Variants in BACH2 observed in about 807,000 individuals in gnomAD.
The protein encoded by BACH2 is transcription regulator protein BACH2.
A neutral mutation model predicts 61.8 loss-of-function variants in BACH2; 5 were observed. The ratio of observed to expected loss-of-function variants is 0.08; its 90% CI spans 0.04 to 0.17. BACH2 has a LOEUF of 0.17. BACH2 is among the 10% of genes least tolerant of loss of function. BACH2 has a pLI of 1.00. For missense variants in BACH2, 824 were observed against 1,091.1 expected, an observed-to-expected ratio of 0.76 and a Z score of 3.45; for synonymous variants, 446 against 440.1, an observed-to-expected ratio of 1.01 and a Z score of -0.17.
In BACH2 at chr6:89,950,413, C is replaced by G. The variant is rs2128356694; in HGVS notation, c.1693G>C (p.Gly565Arg). The G allele has an allele frequency of 2.5e-6, 4 of 1,614,166 alleles. No homozygotes were observed. The highest frequency in any genetic ancestry group is 3.4e-6 in the Non-Finnish European group (4 of 1,180,032). Reference sequence around the variant, plus strand: ...TTGTACATTCCATCTCCCATCAGGCCTGGTTCCTGATGTTCTGTGGCAAGG... The same window carrying G: ...TTGTACATTCCATCTCCCATCAGGCGTGGTTCCTGATGTTCTGTGGCAAGG... ...RFLATEHQEP[G>R]LMGDGMYNQV... Residue 565 changes from glycine to arginine, a missense_variant, in exon 7 of 9, where the codon GGC (glycine) becomes CGC (arginine). Transcript: ENST00000257749. This position sits in a 1 kb window ranked among gnomAD's most constrained non-coding sequence, Gnocchi z 5.3.
intron 5 of BACH2, among the ~76,000 whole-genome samples, chr6:90,056,920 T>C (rs1780385385): frequency 6.6e-6 from 1 of 152,056 alleles, no homozygotes; most frequent in Admixed American, 6.6e-5. Context: ...TTCTTTGAAA[T>C]CAACGAGGAC....
chr6:90,092,747 T>C (rs750865495), intron 4 of BACH2, among the ~76,000 whole-genome samples: 1 of 152,170 alleles, frequency 6.6e-6, no homozygotes, highest in Non-Finnish European at 1.5e-5. Flanking sequence ...AGATCTGAGT[T>C]TTATTTCTAA....
chr6:90,034,036 C>T lies in BACH2; in HGVS notation c.-12-25180G>A, dbSNP rs115445011. ...ACAACTGGAAAAGAAGATTAGACCA[C>T]ACTGTGTCTATAAAGTTGTGCTACA... is the stretch of plus-strand genomic sequence containing the variant. On this transcript the variant is annotated intron_variant, in intron 5 of 8. Coordinates refer to ENST00000257749, the MANE Select transcript of BACH2 (RefSeq NM_021813.4). 5.1e-3 allele frequency among the ~76,000 whole-genome samples: 779 copies of T among 152,256 alleles called. 6 individuals carry two copies. The highest frequency in any genetic ancestry group is 0.018 in the African/African-American group (737 of 41,570).
intron 1 of BACH2, among the ~76,000 whole-genome samples, chr6:90,275,982 GAA>G (rs1263327473): frequency 6.7e-6 from 1 of 149,720 alleles, no homozygotes; most frequent in Non-Finnish European, 1.5e-5. Context: ...AAAAAAAAAA[GAA>G]AGAAATCATC....
chr6:90,129,848 G>C (rs898543318), intron 4 of BACH2, among the ~76,000 whole-genome samples: 1 of 150,864 alleles, frequency 6.6e-6, no homozygotes, highest in Non-Finnish European at 1.5e-5. Context: ...TTGCTTATCA[G>C]TTCAAGAAGT....
intron 4 of BACH2, among the ~76,000 whole-genome samples, chr6:90,111,363 T>G (rs1328053600): frequency 6.6e-6 from 1 of 152,182 alleles, no homozygotes; most frequent in Non-Finnish European, 1.5e-5. Context: ...AGATAATCTT[T>G]TAAAAATGTA....
chr6:90,206,947 C>T (rs1769164474), intron 3 of BACH2, among the ~76,000 whole-genome samples: 2 of 152,118 alleles, frequency 1.3e-5, no homozygotes, highest in Admixed American at 1.3e-4. Context: ...GTCAGTCTTC[C>T]ATGGGCCAAA....
At chr6:90,107,254 C>T (rs1309865072) in intron 4 of BACH2, among the ~76,000 whole-genome samples, 2 of 152,004 alleles carry the variant, frequency 1.3e-5, no homozygotes, top group African/African-American at 2.4e-5. Flanking sequence ...CGCCTGTAGT[C>T]CCAGCTACTT....
At chr6:90,173,304 C>T (rs1252791939) in intron 4 of BACH2, among the ~76,000 whole-genome samples, 1 of 151,990 alleles carries the variant, frequency 6.6e-6, no homozygotes, top group Non-Finnish European at 1.5e-5. Flanking sequence ...AAGACAATGA[C>T]TGATTGAATT....
At chr6:90,246,092 T>C (rs985481702) in intron 3 of BACH2, among the ~76,000 whole-genome samples, 5 of 152,180 alleles carry the variant, frequency 3.3e-5, no homozygotes, top group African/African-American at 1.2e-4. Context: ...CAATGAACAG[T>C]GGGTCCTTCA....
At chr6:90,201,953 C>T (rs1439537004) in intron 4 of BACH2, among the ~76,000 whole-genome samples, 5 of 152,212 alleles carry the variant, frequency 3.3e-5, no homozygotes, top group Non-Finnish European at 7.3e-5. Context: ...CAATTCCTTA[C>T]ACAACCTCCA....
chr6:89,959,321 C>T (rs1488250288), intron 6 of BACH2, among the ~76,000 whole-genome samples: 1 of 152,090 alleles, frequency 6.6e-6, no homozygotes, highest in Non-Finnish European at 1.5e-5. Flanking sequence ...CATGTAGGCT[C>T]AGTGAGCAAA....
At chr6:90,105,696 C>T (rs1582367329) in intron 4 of BACH2, among the ~76,000 whole-genome samples, 1 of 152,246 alleles carries the variant, frequency 6.6e-6, no homozygotes, top group East Asian at 1.9e-4. Context: ...TTTGATGTTG[C>T]TTCCTGTTTT....
chr6:89,950,411 G>A lies in BACH2; in HGVS notation c.1695C>T (p.Gly565=). The change falls in exon 7 of 9, where the codon GGC becomes GGT. Residue 565 remains glycine, a synonymous_variant. Transcript: ENST00000257749. This position sits in a 1 kb window ranked among gnomAD's most constrained non-coding sequence, Gnocchi z 5.3. The part of the protein sequence containing the change: ...RFLATEHQEP[G]LMGDGMYNQV... ...GGTTGTACATTCCATCTCCCATCAG[G>A]CCTGGTTCCTGATGTTCTGTGGCAA... The A allele has an allele frequency of 6.2e-7, 1 of 1,614,148 alleles. No homozygotes were observed.
At chr6:90,204,002 C>T (rs1009075945) in intron 4 of BACH2, among the ~76,000 whole-genome samples, 4 of 152,016 alleles carry the variant, frequency 2.6e-5, no homozygotes, top group Non-Finnish European at 2.9e-5. Context: ...TTTTGTGGCA[C>T]GGGATTTGGG....
intron 5 of BACH2, among the ~76,000 whole-genome samples, chr6:90,079,513 T>A (rs1344084555): frequency 1.3e-5 from 2 of 152,218 alleles, no homozygotes; most frequent in African/African-American, 4.8e-5. Flanking sequence ...ATGAGTTGGA[T>A]CTTTCTTCCT....
rs1360327762 is a variant in BACH2 at position 89,927,178 on chromosome 6, GCTCA to G, written c.*5226_*5229del. On this transcript the variant is annotated 3_prime_UTR_variant, in exon 9 of 9. Coordinates refer to ENST00000257749, the MANE Select transcript of BACH2 (RefSeq NM_021813.4). ...GCAAAGGTGGTGCTTGCCTTGAATG[GCTCA>G]CTGTGTCTAACAAGCACCTGAAGCT... 5.2e-5 allele frequency: 8 copies of G among 152,908 alleles called. No homozygotes were observed. Among genetic ancestry groups the G allele is most frequent in the Admixed American group, 3.3e-4 (5 of 15,300 alleles). The allele number at this position is 152,908 out of a possible 1,614,324, so 9.5% of individuals were successfully genotyped here. A position where few individuals can be genotyped will look rare whatever the true frequency, so the allele number is the denominator to read the frequency against.
chr6:90,052,744 T>G (rs1239684942), intron 5 of BACH2, among the ~76,000 whole-genome samples: 1 of 152,226 alleles, frequency 6.6e-6, no homozygotes, highest in Non-Finnish European at 1.5e-5. Flanking sequence ...TTGACTGATA[T>G]CAACAAAGCT....
At chr6:90,138,002 A>G (rs1784334221) in intron 4 of BACH2, among the ~76,000 whole-genome samples, 2 of 152,090 alleles carry the variant, frequency 1.3e-5, no homozygotes, top group South Asian at 2.1e-4. Context: ...ATGACTTCGC[A>G]GATTCTCCCA....
Sources: gnomAD v4.1 joint callset for allele counts (sites outside exome capture counted in the v4.1 genomes callset) on GRCh38, gnomAD v4.1.1 for gene constraint, Gnocchi (gnomAD v3.1) non-coding constraint, MANE v1.5 for transcripts, NCBI Gene and HGNC (gene_info 2026-07-23, HGNC 2026-07-21) for gene names.